SLC24A2: variants seen among roughly 807,000 people sequenced by gnomAD.
SLC24A2 encodes sodium/potassium/calcium exchanger 2.
In SLC24A2, 36 loss-of-function variants were observed where a neutral mutation model predicts 62.0. The observed-to-expected ratio is 0.58, with a 90% confidence interval of 0.44 to 0.77. SLC24A2 has a LOEUF of 0.77. SLC24A2 is among the 30% of genes least tolerant of loss of function. The pLI, the probability that SLC24A2 is intolerant of heterozygous loss-of-function variation, is 0.00. For missense variants in SLC24A2, 846 were observed against 817.9 expected, an observed-to-expected ratio of 1.03 and a Z score of -0.42; for synonymous variants, 358 against 294.0, an observed-to-expected ratio of 1.22 and a Z score of -2.23.
chr9:19,992,261 G>A, the SLC24A2 span, among the ~76,000 whole-genome samples: 2 of 152,164 alleles, frequency 1.3e-5, no homozygotes, highest in African/African-American at 4.8e-5. Flanking sequence ...GGCTCAAGAG[G>A]AATACCTAGA....
intron 2 of SLC24A2, among the ~76,000 whole-genome samples, chr9:19,721,978 A>G (rs1821039356): frequency 4.6e-5 from 7 of 152,102 alleles, no homozygotes; most frequent in Admixed American, 3.9e-4. Flanking sequence ...ATCTTCTAAT[A>G]TAAGGTTATT....
chr9:20,072,762 G>T, the SLC24A2 span, among the ~76,000 whole-genome samples: 48 of 152,052 alleles, frequency 3.2e-4, no homozygotes, highest in South Asian at 6.0e-3. Context: ...GATAGAGAAA[G>T]GAGCCATAAG....
the SLC24A2 span, among the ~76,000 whole-genome samples, chr9:20,141,288 G>C: frequency 2.0e-5 from 3 of 151,876 alleles, no homozygotes; most frequent in Admixed American, 6.6e-5. Flanking sequence ...CAGCTTCCCC[G>C]GCCTACGCTC....
intron 2 of SLC24A2, among the ~76,000 whole-genome samples, chr9:19,679,838 C>CTGTGTGTGTGTGTGTGTGTGTG (rs58253967): frequency 7.0e-6 from 1 of 142,386 alleles, no homozygotes; most frequent in African/African-American, 2.7e-5. Flanking sequence ...CTCACATATA[C>CTGTGTGTGTGTGTGTGTGTGTG]TGTGTGTGTG....
In SLC24A2 at chr9:19,516,415, G is replaced by T; in HGVS notation, c.1737-13C>A. The stretch of plus-strand genomic sequence containing the variant: ...GGGCAGTGGGAGCCTGTGCAGAAGT[G>T]AAGCAGGGCAGAGGGGAGTGGGAAG... On this transcript the variant is annotated splice_polypyrimidine_tract_variant and intron_variant, in intron 10 of 10. Coordinates refer to ENST00000341998, the MANE Select transcript of SLC24A2 (RefSeq NM_020344.4). 6.2e-7 allele frequency: 1 copy of T among 1,613,176 alleles called. No individual in the cohort carries two copies. The highest frequency in any genetic ancestry group is 8.5e-7 in the Non-Finnish European group (1 of 1,179,840).
At chr9:19,781,313 G>T (rs1460014003) in intron 2 of SLC24A2, among the ~76,000 whole-genome samples, 1 of 152,154 alleles carries the variant, frequency 6.6e-6, no homozygotes, top group Non-Finnish European at 1.5e-5. Context: ...AAAAAGAGGG[G>T]AAGGGGACAA....
intron 2 of SLC24A2, among the ~76,000 whole-genome samples, chr9:19,757,310 G>A (rs181321905): frequency 1.3e-4 from 20 of 152,090 alleles, no homozygotes; most frequent in Admixed American, 4.6e-4. Context: ...ACTAAACATG[G>A]CAGCAAAATA....
intron 2 of SLC24A2, among the ~76,000 whole-genome samples, chr9:19,762,687 T>C (rs1371030764): frequency 1.3e-5 from 2 of 152,096 alleles, no homozygotes; most frequent in Non-Finnish European, 1.5e-5. Context: ...TTGGTACCAG[T>C]ACCAAGCTGT....
intron 2 of SLC24A2, among the ~76,000 whole-genome samples, chr9:19,668,829 C>G (rs932341426): frequency 6.6e-6 from 1 of 152,118 alleles, no homozygotes. Flanking sequence ...AACTGAAGTG[C>G]CTTTGGTGCA....
At chr9:20,138,070 A>G in the SLC24A2 span, among the ~76,000 whole-genome samples, 2 of 152,190 alleles carry the variant, frequency 1.3e-5, no homozygotes, top group Admixed American at 1.3e-4. Context: ...CAGGTCCACT[A>G]TCTTTGGAAC....
the SLC24A2 span, among the ~76,000 whole-genome samples, chr9:20,055,803 C>T: frequency 2.0e-5 from 3 of 152,130 alleles, no homozygotes; most frequent in East Asian, 3.9e-4. Context: ...GCAGGAGAAT[C>T]GCTTGAACCC....
chr9:19,731,838 T>C (rs774946977), intron 2 of SLC24A2, among the ~76,000 whole-genome samples: 4 of 152,220 alleles, frequency 2.6e-5, no homozygotes, highest in Non-Finnish European at 5.9e-5. Flanking sequence ...AGCAACCTGT[T>C]AGCAGGACCT....
At position 19,516,332 on chromosome 9, in the gene SLC24A2, G is replaced by T. The variant is rs1370781130; in HGVS notation, c.1807C>A (p.Leu603Ile). 1 of 1,614,060 alleles carries T rather than the reference G, an allele frequency of 6.2e-7. No individual in the cohort carries two copies. Among genetic ancestry groups the T allele is most frequent in the African/African-American group, 1.3e-5 (1 of 74,934 alleles). Residue 603 changes from leucine (L) to isoleucine (I), a missense_variant, in exon 11 of 11, where the codon CTT becomes ATT. Coordinates refer to ENST00000341998, the MANE Select transcript of SLC24A2 (RefSeq NM_020344.4). ...AAGAGAAGGACGATGGCACAGAAAA[G>T]GCCATTGCTGCTGACAGCCACTGGC... is the stretch of plus-strand genomic sequence containing the variant. ...FQPVAVSSNG[L>I]FCAIVLLFIM... is the part of the protein sequence containing the mutation.
At chr9:19,603,971 G>T (rs1836916545) in intron 4 of SLC24A2, among the ~76,000 whole-genome samples, 1 of 152,094 alleles carries the variant, frequency 6.6e-6, no homozygotes, top group Non-Finnish European at 1.5e-5. Flanking sequence ...TTGTTGTTGT[G>T]CTCATCTTAT....
the SLC24A2 span, among the ~76,000 whole-genome samples, chr9:20,004,198 G>A: frequency 3.3e-5 from 5 of 152,184 alleles, no homozygotes; most frequent in African/African-American, 4.8e-5. Context: ...CTGCACTCAT[G>A]CAATCGCCAT....
At chr9:20,029,251 C>A in the SLC24A2 span, among the ~76,000 whole-genome samples, 17 of 152,358 alleles carry the variant, frequency 1.1e-4, no homozygotes, top group African/African-American at 4.1e-4. Context: ...TGGGGGACAG[C>A]AGCCTTCCAC....
the SLC24A2 span, among the ~76,000 whole-genome samples, chr9:19,997,990 T>C: frequency 6.6e-6 from 1 of 152,092 alleles, no homozygotes; most frequent in African/African-American, 2.4e-5. Context: ...CATCCTTATA[T>C]TTTTGGGAAA....
chr9:19,835,608 C>G, the SLC24A2 span, among the ~76,000 whole-genome samples: 13 of 152,206 alleles, frequency 8.5e-5, no homozygotes. Flanking sequence ...GAGACTTAGA[C>G]TCCCATACAA....
At chr9:19,975,898 G>A in the SLC24A2 span, among the ~76,000 whole-genome samples, 2 of 69,670 alleles carry the variant, frequency 2.9e-5, no homozygotes, top group African/African-American at 1.0e-4. Context: ...ATAAACATAC[G>A]TTTTTGTTTG....
Sources: gnomAD v4.1 joint callset for allele counts (sites outside exome capture counted in the v4.1 genomes callset) on GRCh38, gnomAD v4.1.1 for gene constraint, MANE v1.5 for transcripts, NCBI Gene and HGNC (gene_info 2026-07-23, HGNC 2026-07-21) for gene names.